Variants in ATIC observed in about 807,000 individuals in gnomAD.
ATIC encodes the protein bifunctional purine biosynthesis protein ATIC.
A neutral mutation model predicts 72.5 loss-of-function variants in ATIC; 64 were observed. The ratio of observed to expected loss-of-function variants is 0.88; its 90% confidence interval spans 0.72 to 1.09. The LOEUF (loss-of-function observed/expected upper bound fraction) is 1.09, where lower values mean the gene tolerates loss of function less well. Among genes scored for constraint, ATIC ranks in the 50% least tolerant of loss-of-function variants. The probability of loss-of-function intolerance (pLI) is 0.00; values close to 1 mark genes in which losing one functional copy is unlikely to be tolerated. For missense variants in ATIC, 787 were observed against 732.4 expected (o/e 1.07, Z -0.86); for synonymous variants, 281 against 267.1 (o/e 1.05, Z -0.51).
chr2:215,330,290 A>C (rs74390958), intron 7 of ATIC, among the ~76,000 whole-genome samples: 3,331 of 152,206 alleles, frequency 0.022, 62 homozygotes, highest in African/African-American at 0.05. Flanking sequence ...TCATGAGGAC[A>C]GTGATTTTAT....
At chr2:215,321,151 G>A (rs925951392) in intron 4 of ATIC, among the ~76,000 whole-genome samples, 1 of 152,010 alleles carries the variant, frequency 6.6e-6, no homozygotes, top group African/African-American at 2.4e-5. Context: ...TTTCCCCAAC[G>A]TCCTCCAGCC....
rs111579900 is a variant in ATIC, at chr2:215,320,622, C to G, written c.290+891C>G. Among the ~76,000 whole-genome samples the G allele has an allele frequency of 5.2e-3, 796 of 152,236 alleles. 7 individuals are homozygous for G. The highest frequency in any genetic ancestry group is 0.018 in the African/African-American group (762 of 41,548). On this transcript the variant is annotated intron_variant, in intron 4 of 15. Transcript: ENST00000236959. ...TGAGACAGGGTCTCGCTCTGTTGCT[C>G]AGGTTGGAGTTCAGTGGCATGACCT... is the stretch of plus-strand genomic sequence containing the variant.
At chr2:215,343,263 C>G (rs2053038908) in intron 12 of ATIC, among the ~76,000 whole-genome samples, 1 of 151,488 alleles carries the variant, frequency 6.6e-6, no homozygotes, top group Non-Finnish European at 1.5e-5. Context: ...TACTTATTTG[C>G]TACATGTGTA....
chr2:215,322,084 A>G (rs752604861), intron 4 of ATIC, among the ~76,000 whole-genome samples: 4 of 146,356 alleles, frequency 2.7e-5, no homozygotes, highest in Admixed American at 2.0e-4. Flanking sequence ...TGGATTTTTA[A>G]TAGAGATAGG....
chr2:215,334,029 G>A (rs1167115187), intron 9 of ATIC, among the ~76,000 whole-genome samples: 5 of 148,090 alleles, frequency 3.4e-5, no homozygotes, highest in Non-Finnish European at 7.4e-5. Flanking sequence ...GTGACAGAGC[G>A]ATACTCCGTC....
intron 2 of ATIC, among the ~76,000 whole-genome samples, chr2:215,314,394 T>G (rs1488805653): frequency 6.6e-6 from 1 of 152,214 alleles, no homozygotes; most frequent in Non-Finnish European, 1.5e-5. Flanking sequence ...TTATAACAAC[T>G]TTTTAGTTTA....
intron 4 of ATIC, among the ~76,000 whole-genome samples, chr2:215,322,356 T>G (rs1443799482): frequency 1.4e-5 from 2 of 143,378 alleles, no homozygotes; most frequent in Non-Finnish European, 3.0e-5. Context: ...TGAGATGGAG[T>G]TTCGCTCTTG....
chr2:215,350,628 A>AT (rs2053123364), downstream of ATIC, among the ~76,000 whole-genome samples: 1 of 152,180 alleles, frequency 6.6e-6, no homozygotes, highest in Admixed American at 6.5e-5. Context: ...GCAGCCCGAG[A>AT]TTCACCCTCT....
chr2:215,340,671 A>G (rs757391451), intron 12 of ATIC, among the ~76,000 whole-genome samples: 1 of 152,070 alleles, frequency 6.6e-6, no homozygotes, highest in Non-Finnish European at 1.5e-5. Context: ...GCTAAATAGG[A>G]ATTTAGCCTT....
intron 7 of ATIC, among the ~76,000 whole-genome samples, chr2:215,331,806 A>G (rs1459251545): frequency 6.6e-6 from 1 of 152,170 alleles, no homozygotes; most frequent in Non-Finnish European, 1.5e-5. Context: ...GGTAATGGAA[A>G]ACTCTGAAGT....
At chr2:215,355,942 G>A in the ATIC span, among the ~76,000 whole-genome samples, 1 of 152,204 alleles carries the variant, frequency 6.6e-6, no homozygotes, top group Admixed American at 6.5e-5. Context: ...TCTGTAAAAT[G>A]GGGATGGATT....
chr2:215,318,601 T>A (rs1277107885), intron 3 of ATIC, among the ~76,000 whole-genome samples: 1 of 152,228 alleles, frequency 6.6e-6, no homozygotes, highest in East Asian at 1.9e-4. Context: ...AAAGGAATTT[T>A]TTTTTTCAAA....
chr2:215,312,332 C>T lies in ATIC; in HGVS notation c.20-166C>T, dbSNP rs530938560. ...AGCCTGCGTGGGGCCCGCCTTAGAG[C>T]AGCTCGCGGGTGTAAGACCTGGGGA... On this transcript the variant is annotated intron_variant, in intron 1 of 15. Transcript: ENST00000236959. 522 of 1,488,792 alleles carry T rather than the reference C, an allele frequency of 3.5e-4. 1 individual carries two copies. In the African/African-American group the frequency reaches 6.4e-3, roughly 18 times the overall value. The allele number at this position is 1,488,792 out of a possible 1,614,324, so 92.2% of individuals were successfully genotyped here. A position where few individuals can be genotyped will look rare whatever the true frequency, so the allele number is the denominator to read the frequency against.
At chr2:215,333,240 C>G in intron 8 of ATIC, 110 bp from the exon 9 acceptor site, 1 of 863,534 alleles carries the variant, frequency 1.2e-6, no homozygotes, top group Admixed American at 1.9e-5. Flanking sequence ...AGCACAGGCA[C>G]TAGAAAATGT....
chr2:215,330,329 T>G (rs532371085), intron 7 of ATIC, among the ~76,000 whole-genome samples: 2 of 152,314 alleles, frequency 1.3e-5, no homozygotes, highest in South Asian at 4.1e-4. Flanking sequence ...GGGGGAATTA[T>G]TTTTTCAAGT....
chr2:215,316,807 G>C (rs1168605896), intron 2 of ATIC, among the ~76,000 whole-genome samples: 6 of 152,148 alleles, frequency 3.9e-5, no homozygotes, highest in Non-Finnish European at 8.8e-5. Flanking sequence ...TTGTTGCCCA[G>C]GTTGAAATGC....
intron 4 of ATIC, among the ~76,000 whole-genome samples, chr2:215,321,681 T>G (rs1281302947): frequency 6.6e-6 from 1 of 152,240 alleles, no homozygotes; most frequent in African/African-American, 2.4e-5. Context: ...CTAGGGGTTC[T>G]GAAGTGGCAT....
chr2:215,315,450 A>G (rs1333876805), intron 2 of ATIC, among the ~76,000 whole-genome samples: 1 of 152,138 alleles, frequency 6.6e-6, no homozygotes, highest in African/African-American at 2.4e-5. Context: ...TCGATCTCCC[A>G]GGCTGAGGCA....
chr2:215,337,329 G>T (rs1178187214), intron 11 of ATIC, among the ~76,000 whole-genome samples: 2 of 152,046 alleles, frequency 1.3e-5, no homozygotes, highest in Non-Finnish European at 2.9e-5. Context: ...TAGATTCCAT[G>T]TCAGCTATTT....
Sources: gnomAD v4.1 joint callset for allele counts (sites outside exome capture counted in the v4.1 genomes callset) on GRCh38, gnomAD v4.1.1 for gene constraint, MANE v1.5 for transcripts, NCBI Gene and HGNC (gene_info 2026-07-23, HGNC 2026-07-21) for gene names.